Variants in GSE1 observed in about 807,000 individuals in gnomAD.
The protein encoded by GSE1 is Gse1 coiled-coil protein, also known as genetic suppressor element 1.
Under a neutral mutation model 112.6 loss-of-function variants are expected in GSE1, and 32 were observed. The observed-to-expected ratio is 0.28, with a 90% confidence interval of 0.21 to 0.38. GSE1 has a LOEUF of 0.38. Among genes scored for constraint, GSE1 ranks in the 10% least tolerant of loss-of-function variants. GSE1 has a pLI of 1.00. For missense variants in GSE1, 2,348 were observed against 1,699.2 expected (o/e 1.38, Z -6.71); for synonymous variants, 1,115 against 735.6 (o/e 1.52, Z -8.35).
At chr16:85,196,370 T>C (rs1487607030) in intron 1 of GSE1, among the ~76,000 whole-genome samples, 1 of 152,180 alleles carries the variant, frequency 6.6e-6, no homozygotes, top group Non-Finnish European at 1.5e-5. Flanking sequence ...GGGACCTGCA[T>C]CTGACTGTCA....
At chr16:85,651,863 T>C (rs566408470) in intron 3 of GSE1, among the ~76,000 whole-genome samples, 2 of 152,318 alleles carry the variant, frequency 1.3e-5, no homozygotes, top group South Asian at 4.1e-4. Flanking sequence ...GGCCTGGTGT[T>C]CATTGGGGTG....
At chr16:85,378,936 G>C (rs1400178670) in intron 2 of GSE1, among the ~76,000 whole-genome samples, 1 of 152,206 alleles carries the variant, frequency 6.6e-6, no homozygotes, top group African/African-American at 2.4e-5. Context: ...GCAAATGCCA[G>C]AGGACTTGAG....
intron 2 of GSE1, among the ~76,000 whole-genome samples, chr16:85,394,431 G>A (rs1270949875): frequency 6.6e-6 from 1 of 152,174 alleles, no homozygotes; most frequent in Non-Finnish European, 1.5e-5. Context: ...GATGTTCACA[G>A]GAAGAGGACG....
chr16:85,346,149 G>T (rs1309852357), intron 1 of GSE1, among the ~76,000 whole-genome samples: 1 of 119,802 alleles, frequency 8.3e-6, no homozygotes, highest in Non-Finnish European at 1.6e-5. Flanking sequence ...TAGATGGATG[G>T]ATAGATGGAG....
chr16:85,384,028 G>A (rs934395083), intron 2 of GSE1, among the ~76,000 whole-genome samples: 1 of 152,198 alleles, frequency 6.6e-6, no homozygotes, highest in Admixed American at 6.5e-5. Context: ...GTTCAGGCCA[G>A]TGATCACATC....
intron 15 of GSE1, chr16:85,671,963 T>C (rs144928211): frequency 2.6e-4 from 46 of 174,608 alleles, no homozygotes; most frequent in African/African-American, 8.8e-4. Context: ...CTTAAGACTC[T>C]GGAAGAGCCA....
chr16:85,260,324 T>C (rs61408865), intron 1 of GSE1, among the ~76,000 whole-genome samples: 1,273 of 105,404 alleles, frequency 0.012, 6 homozygotes, highest in African/African-American at 0.041. Flanking sequence ...CTTTTCTTTT[T>C]TTTTTTTTTT....
chr16:85,566,385 TAAA>T (rs1273156241), intron 1 of GSE1, among the ~76,000 whole-genome samples: 1 of 152,168 alleles, frequency 6.6e-6, no homozygotes, highest in Non-Finnish European at 1.5e-5. Context: ...TCTGAATAAG[TAAA>T]GAAGAAACGG....
intron 1 of GSE1, among the ~76,000 whole-genome samples, chr16:85,330,039 G>C (rs940148287): frequency 6.6e-6 from 1 of 152,148 alleles, no homozygotes; most frequent in Non-Finnish European, 1.5e-5. Flanking sequence ...CAGTCTCCCC[G>C]GTGGGCTCCG....
rs1251194204 is a variant in GSE1, at chr16:85,661,660, G to T, written c.2155G>T (p.Ala719Ser). 1.2e-6 allele frequency: 2 copies of T among 1,610,890 alleles called. No homozygotes were observed. The highest frequency in any genetic ancestry group is 2.7e-5 in the African/African-American group (2 of 74,906). The part of the protein sequence containing the change: ...GSPYRPPVPR[A>S]PDPAYIYDEF... Reference sequence around the variant, plus strand: ...GCCCTACCGGCCCCCAGTGCCACGGGCCCCCGACCCTGCCTACATCTATGA... The same window carrying T: ...GCCCTACCGGCCCCCAGTGCCACGGTCCCCCGACCCTGCCTACATCTATGA... Residue 719 changes from alanine to serine, a missense_variant, in exon 9 of 16, where the codon GCC becomes TCC. Physicochemically the swap from Ala to Ser is moderately conservative, Grantham distance 99. Transcript: ENST00000253458.
intron 2 of GSE1, among the ~76,000 whole-genome samples, chr16:85,532,926 C>G (rs773831382): frequency 6.6e-6 from 1 of 152,168 alleles, no homozygotes; most frequent in African/African-American, 2.4e-5. Flanking sequence ...ACTTCAGGGA[C>G]TTGAGATTTT....
rs1272596300 is a variant in GSE1 at position 85,348,387 on chromosome 16, C to A, written c.2284-9076C>A. 2.0e-5 allele frequency among the ~76,000 whole-genome samples: 3 copies of A among 152,220 alleles called. No homozygotes were observed. In the East Asian group the frequency reaches 5.8e-4, roughly 29 times the overall value. ...ATCCAGTTTAAAGCTATGGGTGGGA[C>A]TCTCAGCTCCACCTTTGCGGAGGAG... On this transcript the variant is annotated intron_variant, in intron 1 of 2. Transcript: ENST00000637419.
chr16:85,295,999 A>G (rs1380849315), intron 1 of GSE1, among the ~76,000 whole-genome samples: 1 of 152,050 alleles, frequency 6.6e-6, no homozygotes, highest in Non-Finnish European at 1.5e-5. Context: ...CTTTTGGAGC[A>G]CCCATCCAGG....
chr16:85,647,406 T>A (rs555552332), intron 2 of GSE1, among the ~76,000 whole-genome samples: 14 of 152,212 alleles, frequency 9.2e-5, no homozygotes, highest in Non-Finnish European at 1.6e-4. Flanking sequence ...GCAAACCTCC[T>A]GATGTGTACC....
rs1375695701 is a variant in GSE1, at chr16:85,661,430, A to G, written c.1925A>G (p.Glu642Gly). The change falls in exon 9 of 16, where the codon GAG becomes GGG. Residue 642 changes from glutamate to glycine, a missense_variant. By Grantham distance (98) the Glu-to-Gly change is moderately conservative. Coordinates refer to ENST00000253458, the MANE Select transcript of GSE1 (RefSeq NM_014615.5). ...GCAGAGGAGGGGCCACGGAAGCGTG[A>G]GCCTGCCCCTCTGGACAAGTACCAG... ...EKAEEGPRKR[E>G]PAPLDKYQPP... The G allele has an allele frequency of 1.9e-6, 3 of 1,611,974 alleles. No individual in the cohort carries two copies. In the African/African-American group the frequency reaches 4.0e-5, roughly 22 times the overall value.
At chr16:85,424,679 G>T (rs996540056) in intron 2 of GSE1, among the ~76,000 whole-genome samples, 1 of 152,230 alleles carries the variant, frequency 6.6e-6, no homozygotes, top group East Asian at 1.9e-4. Flanking sequence ...TGCTCCCGCC[G>T]TCCCTCGGAA....
At chr16:85,634,227 C>A in intron 2 of GSE1, 95 bp downstream of exon 2, 2 of 852,596 alleles carry the variant, frequency 2.3e-6, no homozygotes, top group Non-Finnish European at 3.4e-6. Context: ...CACAGCAGGT[C>A]TCGTCTTTCC....
At chr16:85,503,591 C>T (rs548816817) in intron 2 of GSE1, among the ~76,000 whole-genome samples, 27 of 152,278 alleles carry the variant, frequency 1.8e-4, no homozygotes, top group South Asian at 6.2e-4. Flanking sequence ...AATTAAACAC[C>T]GCAGCGACCC....
chr16:85,291,490 G>A (rs1325879344), intron 1 of GSE1, among the ~76,000 whole-genome samples: 2 of 152,184 alleles, frequency 1.3e-5, no homozygotes, highest in African/African-American at 4.8e-5. Flanking sequence ...CGGCCCCCGC[G>A]TGAGCCCTGG....
Sources: allele counts gnomAD v4.1 joint callset (sites outside exome capture counted in the v4.1 genomes callset), GRCh38; gene constraint gnomAD v4.1.1; transcripts MANE v1.5; gene names NCBI Gene and HGNC (gene_info 2026-07-23, HGNC 2026-07-21).